Variants in PADI6 observed in about 807,000 individuals in gnomAD.
PADI6 encodes the protein inactive protein-arginine deiminase type-6.
PADI6 carries 66 observed loss-of-function variants against 78.2 expected under a neutral mutation model. The ratio of observed to expected loss-of-function variants is 0.84; its 90% CI spans 0.69 to 1.04. The LOEUF is 1.04. PADI6 is among the 50% of genes least tolerant of loss of function. The pLI is 0.00. For missense variants in PADI6, 854 were observed against 866.1 expected, an observed-to-expected ratio of 0.99 and a Z score of 0.18; for synonymous variants, 397 against 346.9, an observed-to-expected ratio of 1.14 and a Z score of -1.60.
intron 4 of PADI6, among the ~76,000 whole-genome samples, chr1:17,380,524 T>A (rs1474985701): frequency 1.3e-5 from 2 of 152,244 alleles, no homozygotes; most frequent in Non-Finnish European, 2.9e-5. Flanking sequence ...CCTGCCACCA[T>A]GCCTGGCTAG....
At chr1:17,397,932 A>G (rs1015302779) in intron 14 of PADI6, among the ~76,000 whole-genome samples, 5 of 152,130 alleles carry the variant, frequency 3.3e-5, no homozygotes, top group African/African-American at 1.2e-4. Flanking sequence ...TAGACGAGGG[A>G]CTACTCAATG....
At chr1:17,396,519 G>GCTCCACACCTC (rs1553154238) in intron 13 of PADI6, among the ~76,000 whole-genome samples, 1 of 152,130 alleles carries the variant, frequency 6.6e-6, no homozygotes, top group Non-Finnish European at 1.5e-5. Context: ...TTTCCACCCT[G>GCTCCACACCTC]CTCCACACCT....
At chr1:17,393,705 G>A (rs368575455) in intron 9 of PADI6, among the ~76,000 whole-genome samples, 1 of 152,014 alleles carries the variant, frequency 6.6e-6, no homozygotes, top group South Asian at 2.1e-4. Flanking sequence ...GAATTCCTAG[G>A]CTCAAGTGAT....
chr1:17,372,502 TG>T, intron 1 of PADI6, 141 bp downstream of exon 1: 2 of 778,816 alleles, frequency 2.6e-6, no homozygotes, highest in Non-Finnish European at 4.3e-6. Context: ...GGGTCTCTAG[TG>T]GGGGGCCTCC....
At chr1:17,394,242 CTG>C in intron 10 of PADI6, 56 bp from the exon 11 acceptor site, 2 of 1,594,428 alleles carry the variant, frequency 1.3e-6, no homozygotes, top group Non-Finnish European at 1.7e-6. Context: ...AGGGATAAGA[CTG>C]GGGCCTAAAG....
chr1:17,393,924 G>A (rs2075217782), intron 9 of PADI6, 51 bp from the exon 10 acceptor site: 1 of 1,529,078 alleles, frequency 6.5e-7, no homozygotes, highest in Non-Finnish European at 9.1e-7. Flanking sequence ...CGTAAATGGG[G>A]TCCGGGGAGA....
chr1:17,380,078 C>T lies in PADI6; in HGVS notation c.435+91C>T, dbSNP rs1044253495. On this transcript the variant is annotated intron_variant, in intron 4 of 15. Coordinates refer to ENST00000619609, the MANE Select transcript of PADI6 (RefSeq NM_207421.4). ...TTGATCTGACCTTCCTCGTGTCTAGCCCAATTGCTGTGACATTGCTGAAGG... is the reference window on the plus strand; with the variant it reads ...TTGATCTGACCTTCCTCGTGTCTAGTCCAATTGCTGTGACATTGCTGAAGG... 40 of 1,297,354 alleles carry T rather than the reference C, an allele frequency of 3.1e-5. No individual in the cohort carries two copies. The African/African-American group carries it at 5.1e-4, about 17-fold the overall frequency. 80.4% of individuals were successfully genotyped at this position (1,297,354 alleles called of 1,614,324 possible). A position where few individuals can be genotyped will look rare whatever the true frequency, so the allele number is the denominator to read the frequency against.
rs544553114 is a variant in PADI6 at position 17,400,063 on chromosome 1, C to T, written c.1852-1142C>T. Among the ~76,000 whole-genome samples the T allele has an allele frequency of 2.0e-5, 3 of 151,750 alleles. No individual in the cohort carries two copies. In the East Asian group the frequency reaches 5.9e-4, roughly 30 times the overall value. ...AACAAACAAAACAAAACAAAAAATG[C>T]TGGGTGTGGTGCCACATGCCTGTAG... On this transcript the variant is annotated intron_variant, in intron 15 of 15. Coordinates refer to ENST00000619609, the MANE Select transcript of PADI6 (RefSeq NM_207421.4).
intron 3 of PADI6, among the ~76,000 whole-genome samples, chr1:17,375,943 C>T (rs2075011654): frequency 6.6e-6 from 1 of 152,020 alleles, no homozygotes; most frequent in South Asian, 2.1e-4. Context: ...AGATCACCCC[C>T]ATCAGCTCAG....
chr1:17,373,578 A>G (rs1570119654), intron 2 of PADI6, among the ~76,000 whole-genome samples: 3 of 150,444 alleles, frequency 2.0e-5, no homozygotes, highest in East Asian at 2.0e-4. Flanking sequence ...TGCAACCTCC[A>G]CTTCCCGGGT....
At chr1:17,376,003 G>A (rs1462303359) in intron 3 of PADI6, among the ~76,000 whole-genome samples, 12 of 148,592 alleles carry the variant, frequency 8.1e-5, no homozygotes, top group Non-Finnish European at 2.9e-5. Flanking sequence ...TCTGAGATGA[G>A]TCTTACTGTC....
chr1:17,373,005 G>A lies in PADI6; in HGVS notation c.117-51G>A. The A allele has an allele frequency of 1.9e-6, 3 of 1,562,758 alleles. No homozygotes were observed. In the South Asian group the frequency reaches 3.4e-5, roughly 18 times the overall value. On this transcript the variant is annotated intron_variant, in intron 1 of 15. Transcript: ENST00000619609. ...CCTCCCCCATGCCAGTCATCTCCTA[G>A]GCTGAGAAGGTGTTTGTGCCCTGAC...
intron 8 of PADI6, among the ~76,000 whole-genome samples, chr1:17,389,181 C>T (rs1441508409): frequency 6.6e-6 from 1 of 152,148 alleles, no homozygotes; most frequent in African/African-American, 2.4e-5. Context: ...AGGATGAGAA[C>T]CTGTCCCAGG....
At position 17,394,066 on chromosome 1, in the gene PADI6, C is replaced by T. The variant is rs1346969128; in HGVS notation, c.1166C>T (p.Pro389Leu). 1.4e-5 allele frequency: 23 copies of T among 1,613,478 alleles called. No homozygotes were observed. The highest frequency in any genetic ancestry group is 1.9e-5 in the Non-Finnish European group (22 of 1,179,592). Residue 389 changes from proline to leucine, a missense_variant, in exon 10 of 16, where the codon CCC (proline) becomes CTC (leucine). Transcript: ENST00000619609. The part of the protein sequence containing the change: ...TPQAADLDEF[P>L]MKYSLSPGIG... ...CAGGCCGCCGATCTCGATGAGTTCCCCATGAAGTACTCACTGGTGTGGAAC... is the reference window on the plus strand; with the variant it reads ...CAGGCCGCCGATCTCGATGAGTTCCTCATGAAGTACTCACTGGTGTGGAAC...
rs554440849 is a variant in PADI6 at position 17,372,906 on chromosome 1, G to A, written c.117-150G>A. 131 of 743,606 alleles carry A rather than the reference G, an allele frequency of 1.8e-4. 3 individuals are homozygous for A. In the East Asian group the frequency reaches 3.6e-3, roughly 20 times the overall value. 46.1% of individuals were successfully genotyped at this position (743,606 alleles called of 1,614,324 possible). A position where few individuals can be genotyped will look rare whatever the true frequency, so the allele number is the denominator to read the frequency against. The stretch of plus-strand genomic sequence containing the variant: ...GCAAACACAGGGGTCCTTTGGGAGG[G>A]GGTGGGTAGGAATAAGGACCCCAGA... On this transcript the variant is annotated intron_variant, in intron 1 of 15. Transcript: ENST00000619609.
At chr1:17,375,585 G>T (rs1394178605) in intron 3 of PADI6, 86 bp downstream of exon 3, 2 of 1,233,642 alleles carry the variant, frequency 1.6e-6, no homozygotes, top group Non-Finnish European at 2.3e-6. Context: ...AGCCAAAAAA[G>T]ATTCTCCAGG....
At chr1:17,384,875 C>T (rs1316584170) in intron 6 of PADI6, among the ~76,000 whole-genome samples, 4 of 152,172 alleles carry the variant, frequency 2.6e-5, no homozygotes, top group Non-Finnish European at 4.4e-5. Flanking sequence ...AAATCTAGGC[C>T]ACAGAAAGAA....
chr1:17,385,232 G>A (rs1444104071), intron 6 of PADI6, among the ~76,000 whole-genome samples: 6 of 152,288 alleles, frequency 3.9e-5, no homozygotes, highest in South Asian at 4.1e-4. Context: ...AGGTCTGGTC[G>A]TAGCCTGAAA....
intron 1 of PADI6, 99 bp downstream of exon 1, chr1:17,372,460 C>T: frequency 9.0e-7 from 1 of 1,106,130 alleles, no homozygotes; most frequent in Non-Finnish European, 1.4e-6. Flanking sequence ...ACTTCTCTAG[C>T]CTCACTATCC....
Sources: allele counts gnomAD v4.1 joint callset (sites outside exome capture counted in the v4.1 genomes callset), GRCh38; gene constraint gnomAD v4.1.1; transcripts MANE v1.5; gene names NCBI Gene and HGNC (gene_info 2026-07-23, HGNC 2026-07-21).